The following DMD variants were observed in gnomAD, a reference collection of about 807,000 sequenced individuals.
DMD encodes the protein mutant dystrophin.
Under a neutral mutation model 330.1 loss-of-function variants are expected in DMD, and 63 were observed. The observed-to-expected ratio is 0.19, with a 90% CI of 0.16 to 0.24. DMD has a LOEUF of 0.24. Among genes scored for constraint, DMD ranks in the 10% least tolerant of loss-of-function variants. The probability of loss-of-function intolerance (pLI) is 1.00; values close to 1 mark genes in which losing one functional copy is unlikely to be tolerated. For synonymous variants in DMD, 1,223 were observed against 959.8 expected, an observed-to-expected ratio of 1.27 and a Z score of -5.07; for missense variants, 3,344 against 2,684.1, an observed-to-expected ratio of 1.25 and a Z score of -5.43.
chrX:31,363,467 G>A (rs1416653512), intron 60 of DMD, among the ~76,000 whole-genome samples: 2 of 93,854 alleles, frequency 2.1e-5, no homozygotes, highest in Middle Eastern at 6.7e-3. Flanking sequence ...TGCAACTTCC[G>A]CTTCCCGGGT....
chrX:32,938,578 A>G (rs1470045636), intron 2 of DMD, among the ~76,000 whole-genome samples: 3 of 112,072 alleles, frequency 2.7e-5, no homozygotes, highest in Admixed American at 1.9e-4. Flanking sequence ...AACAGGTTTT[A>G]GTTACTACCA....
chrX:32,260,293 T>G (rs2097316616), intron 43 of DMD, among the ~76,000 whole-genome samples: 1 of 111,750 alleles, frequency 8.9e-6, no homozygotes, highest in Non-Finnish European at 1.9e-5. Flanking sequence ...TGAGTCACTG[T>G]GAAGGAATGC....
At chrX:31,447,092 C>G (rs1234723942) in intron 59 of DMD, among the ~76,000 whole-genome samples, 3 of 111,125 alleles carry the variant, frequency 2.7e-5, no homozygotes, top group African/African-American at 9.8e-5. Flanking sequence ...TTTTCTCTCC[C>G]AAATTCCTGA....
At chrX:31,773,934 C>A (rs752859377) in intron 51 of DMD, 26 bp downstream of exon 51, 1 of 1,179,390 alleles carries the variant, frequency 8.5e-7, no homozygotes, top group Non-Finnish European at 1.2e-6. Context: ...AAAACTTCTG[C>A]CAACTTTTAT....
chrX:32,161,372 C>T (rs972469712), intron 44 of DMD, among the ~76,000 whole-genome samples: 1 of 111,375 alleles, frequency 9.0e-6, no homozygotes, highest in African/African-American at 3.3e-5. Context: ...CTGGCAGATT[C>T]CCTGAGAGAA....
intron 2 of DMD, among the ~76,000 whole-genome samples, chrX:33,016,481 G>A (rs772814735): frequency 2.3e-4 from 26 of 111,127 alleles, no homozygotes; most frequent in African/African-American, 7.8e-4. Flanking sequence ...TCCTTTTCCC[G>A]TTCATCTGCA....
At chrX:31,354,043 C>T (rs913138838) in intron 60 of DMD, among the ~76,000 whole-genome samples, 4 of 112,032 alleles carry the variant, frequency 3.6e-5, no homozygotes, top group African/African-American at 1.3e-4. Context: ...AGGGTCTATT[C>T]TTCAGAACTA....
chrX:31,725,356 T>C (rs1482085245), intron 52 of DMD, among the ~76,000 whole-genome samples: 2 of 111,771 alleles, frequency 1.8e-5, no homozygotes, highest in Non-Finnish European at 3.8e-5. Flanking sequence ...AGCAACCTTC[T>C]CCTGTCGGTC....
chrX:33,207,121 ATT>A (rs2051622610), intron 1 of DMD, among the ~76,000 whole-genome samples: 1 of 111,061 alleles, frequency 9.0e-6, no homozygotes, highest in African/African-American at 3.3e-5. Context: ...CCTCATTCTC[ATT>A]TGTCTGCTGC....
At chrX:32,892,828 A>G (rs1027149919) in intron 2 of DMD, among the ~76,000 whole-genome samples, 1 of 112,311 alleles carries the variant, frequency 8.9e-6, no homozygotes, top group African/African-American at 3.2e-5. Flanking sequence ...CTCTCTGGCC[A>G]CAATGATCGT....
rs2093491106 is a variant in DMD, at chrX:33,009,093, CGT to C, written c.93+11044_93+11045del. ...ACATATACATATATGTGTATATATACGTATATATGTATATATATGTGTATATA... is the reference window on the plus strand; with the variant it reads ...ACATATACATATATGTGTATATATACATATATGTATATATATGTGTATATA... On this transcript the variant is annotated intron_variant, in intron 2 of 78. Coordinates refer to ENST00000357033, the MANE Select transcript of DMD (RefSeq NM_004006.3). Among the ~76,000 whole-genome samples the C allele has an allele frequency of 3.6e-4, 9 of 24,985 alleles. 1 individual carries two copies. Among genetic ancestry groups the C allele is most frequent in the African/African-American group, 1.0e-3 (9 of 8,813 alleles). The allele number at this position is 24,985 out of a possible 115,157, so 21.7% of individuals were successfully genotyped here.
chrX:31,968,890 C>T (rs2095374192), intron 44 of DMD, among the ~76,000 whole-genome samples: 2 of 111,023 alleles, frequency 1.8e-5, no homozygotes, highest in Admixed American at 1.9e-4. Context: ...AAAATTTAAA[C>T]ATGAACAAAG....
At chrX:31,971,422 A>C (rs2150204505) in intron 44 of DMD, among the ~76,000 whole-genome samples, 1 of 111,726 alleles carries the variant, frequency 9.0e-6, no homozygotes, top group Non-Finnish European at 1.9e-5. Flanking sequence ...GCTAAGAGTG[A>C]AGCAATAATT....
At chrX:32,720,800 G>T (rs894051021) in intron 7 of DMD, among the ~76,000 whole-genome samples, 4 of 111,072 alleles carry the variant, frequency 3.6e-5, no homozygotes, top group African/African-American at 1.3e-4. Flanking sequence ...TTAAAAAAGG[G>T]TTAGCTGTAT....
At chrX:32,265,160 G>A (rs1177461667) in intron 43 of DMD, among the ~76,000 whole-genome samples, 3 of 111,710 alleles carry the variant, frequency 2.7e-5, no homozygotes, top group Non-Finnish European at 3.8e-5. Flanking sequence ...ATGGTTTCCT[G>A]GGCCGGGCCC....
chrX:31,392,388 G>A (rs1412120424), intron 60 of DMD, among the ~76,000 whole-genome samples: 5 of 112,422 alleles, frequency 4.4e-5, no homozygotes, highest in Admixed American at 9.4e-5. Context: ...AAAAATAAAC[G>A]ATGGTTGCTT....
chrX:32,618,830 T>C (rs1464910215), intron 11 of DMD, among the ~76,000 whole-genome samples: 2 of 110,285 alleles, frequency 1.8e-5, no homozygotes, highest in Non-Finnish European at 3.8e-5. Context: ...AATTACTAAT[T>C]AAAAAAAAGA....
chrX:32,084,648 T>C (rs1413059895), intron 44 of DMD, among the ~76,000 whole-genome samples: 1 of 111,717 alleles, frequency 9.0e-6, no homozygotes, highest in Non-Finnish European at 1.9e-5. Context: ...TTGTTTGCAA[T>C]AGGGAACATA....
chrX:33,310,192 A>T (rs1050677610), intron 1 of DMD, among the ~76,000 whole-genome samples: 1 of 111,595 alleles, frequency 9.0e-6, no homozygotes, highest in Non-Finnish European at 1.9e-5. Flanking sequence ...TTAAGAAGAT[A>T]TTCCAATACA....
Sources: gnomAD v4.1 joint callset for allele counts (sites outside exome capture counted in the v4.1 genomes callset) on GRCh38, gnomAD v4.1.1 for gene constraint, MANE v1.5 for transcripts, NCBI Gene and HGNC (gene_info 2026-07-23, HGNC 2026-07-21) for gene names.